Variants in CACNB2 observed in about 807,000 individuals in gnomAD.
The protein encoded by CACNB2 is voltage-dependent L-type calcium channel subunit beta-2.
A neutral mutation model predicts 73.3 loss-of-function variants in CACNB2; 42 were observed. The observed-to-expected ratio is 0.57, with a 90% confidence interval of 0.45 to 0.74. The LOEUF (loss-of-function observed/expected upper bound fraction) is 0.74, where lower values mean the gene tolerates loss of function less well. Among genes scored for constraint, CACNB2 ranks in the 30% least tolerant of loss-of-function variants. The pLI is 0.00. For synonymous variants in CACNB2, 348 were observed against 310.3 expected, an observed-to-expected ratio of 1.12 and a Z score of -1.28; for missense variants, 940 against 853.0, an observed-to-expected ratio of 1.10 and a Z score of -1.27.
chr10:18,261,288 G>C (rs761958542), intron 2 of CACNB2: 1 of 1,551,496 alleles, frequency 6.4e-7, no homozygotes, highest in Non-Finnish European at 8.7e-7. Context: ...CTGCGGGCTG[G>C]TGCATCGCCG....
At chr10:18,486,919 A>G (rs2132895338) in intron 3 of CACNB2, among the ~76,000 whole-genome samples, 1 of 152,230 alleles carries the variant, frequency 6.6e-6, no homozygotes, top group African/African-American at 2.4e-5. Flanking sequence ...TGAGTTTAAG[A>G]GCGGAGGTTT....
At position 18,366,389 on chromosome 10, in the gene CACNB2, C is replaced by A. The variant is rs534013805; in HGVS notation, c.214-35535C>A. On this transcript the variant is annotated intron_variant, in intron 2 of 13. Coordinates refer to ENST00000324631, the MANE Select transcript of CACNB2 (RefSeq NM_201596.3). ...CTGAGGCAGGAGAATGGTACGAACC[C>A]GGGAGGCGGAGCTTGCAGTAAGCCA... Among the ~76,000 whole-genome samples the A allele has an allele frequency of 1.3e-3, 196 of 148,644 alleles. 1 individual carries two copies. The highest frequency in any genetic ancestry group is 4.6e-3 in the African/African-American group (186 of 40,260).
chr10:18,341,773 A>G (rs2041242984), intron 2 of CACNB2, among the ~76,000 whole-genome samples: 1 of 152,214 alleles, frequency 6.6e-6, no homozygotes, highest in Non-Finnish European at 1.5e-5. Flanking sequence ...TAAATTTAGT[A>G]TAATAGAGAA....
chr10:18,181,325 AT>A (rs1309221393), intron 2 of CACNB2, among the ~76,000 whole-genome samples: 3 of 152,048 alleles, frequency 2.0e-5, no homozygotes, highest in Non-Finnish European at 4.4e-5. Flanking sequence ...GCTGAATCTT[AT>A]TTTTCTTTCT....
intron 2 of CACNB2, among the ~76,000 whole-genome samples, chr10:18,347,264 G>A (rs955226631): frequency 6.6e-6 from 1 of 151,138 alleles, no homozygotes; most frequent in East Asian, 2.0e-4. Flanking sequence ...TGCAACCTCC[G>A]CCTCCCAGAT....
intron 2 of CACNB2, among the ~76,000 whole-genome samples, chr10:18,385,581 C>G (rs1307254097): frequency 7.0e-6 from 1 of 143,470 alleles, no homozygotes; most frequent in Non-Finnish European, 1.5e-5. Context: ...GAGCCGAGAT[C>G]GTGCCAAGCC....
chr10:18,467,774 GCA>G (rs2047976530), intron 3 of CACNB2, among the ~76,000 whole-genome samples: 1 of 152,076 alleles, frequency 6.6e-6, no homozygotes. Context: ...CCCTCCCCAG[GCA>G]CAGTCTATCA....
chr10:18,194,002 T>A (rs1241537800), intron 2 of CACNB2, among the ~76,000 whole-genome samples: 1 of 152,148 alleles, frequency 6.6e-6, no homozygotes, highest in African/African-American at 2.4e-5. Flanking sequence ...AGAAAGCTTC[T>A]GGAGTATTGG....
chr10:18,503,245 G>A (rs1384638633), intron 5 of CACNB2, among the ~76,000 whole-genome samples: 1 of 152,134 alleles, frequency 6.6e-6, no homozygotes, highest in Non-Finnish European at 1.5e-5. Flanking sequence ...ATGTTCCATT[G>A]GCCTTATTTT....
intron 2 of CACNB2, among the ~76,000 whole-genome samples, chr10:18,352,205 T>C (rs952299271): frequency 6.6e-6 from 1 of 152,252 alleles, no homozygotes; most frequent in Non-Finnish European, 1.5e-5. Flanking sequence ...ATTCTGATAA[T>C]CCTGTTACCT....
At chr10:18,378,468 G>T (rs2042889893) in intron 2 of CACNB2, among the ~76,000 whole-genome samples, 1 of 152,170 alleles carries the variant, frequency 6.6e-6, no homozygotes, top group Admixed American at 6.6e-5. Context: ...TCCACAGTTG[G>T]CCGGGCATGG....
chr10:18,195,636 T>C (rs974956770), intron 2 of CACNB2, among the ~76,000 whole-genome samples: 2 of 152,246 alleles, frequency 1.3e-5, no homozygotes, highest in African/African-American at 4.8e-5. Context: ...GAATGTTCTC[T>C]GTTCTTTAGA....
At chr10:18,275,582 TCCTGCACATGTAC>T (rs1461035670) in intron 2 of CACNB2, among the ~76,000 whole-genome samples, 1 of 152,086 alleles carries the variant, frequency 6.6e-6, no homozygotes, top group Non-Finnish European at 1.5e-5. Context: ...AACCTGCACA[TCCTGCACATGTAC>T]CCCTGAACAT....
At chr10:18,341,108 C>T (rs1346311491) in intron 2 of CACNB2, 2 of 942,400 alleles carry the variant, frequency 2.1e-6, no homozygotes, top group African/African-American at 1.6e-5. Context: ...CTTATCTTGC[C>T]AGAAATGTTG....
intron 3 of CACNB2, among the ~76,000 whole-genome samples, chr10:18,490,453 A>C (rs1342742382): frequency 6.6e-6 from 1 of 152,092 alleles, no homozygotes; most frequent in Non-Finnish European, 1.5e-5. Flanking sequence ...AGAAGCAAAA[A>C]CTGGTAGAAA....
At chr10:18,219,666 A>G (rs1427695306) in intron 2 of CACNB2, among the ~76,000 whole-genome samples, 5 of 152,032 alleles carry the variant, frequency 3.3e-5, no homozygotes, top group Admixed American at 3.3e-4. Context: ...TTCAACTGTT[A>G]TATATTCTAG....
At chr10:18,319,264 G>A (rs2040308146) in intron 2 of CACNB2, among the ~76,000 whole-genome samples, 2 of 152,204 alleles carry the variant, frequency 1.3e-5, no homozygotes, top group African/African-American at 4.8e-5. Flanking sequence ...ATACTATGCA[G>A]CCATAAAAAG....
chr10:18,160,917 TTAAG>T (rs1307792232), intron 2 of CACNB2, among the ~76,000 whole-genome samples: 1 of 152,196 alleles, frequency 6.6e-6, no homozygotes, highest in African/African-American at 2.4e-5. Context: ...GCTTAGTTCA[TTAAG>T]TAAGTTTTCC....
At chr10:18,228,853 C>T (rs2036119062) in intron 2 of CACNB2, among the ~76,000 whole-genome samples, 1 of 152,192 alleles carries the variant, frequency 6.6e-6, no homozygotes, top group Non-Finnish European at 1.5e-5. Flanking sequence ...ATTCTCCTGC[C>T]TCAGCCTCCC....
Sources: allele counts gnomAD v4.1 joint callset (sites outside exome capture counted in the v4.1 genomes callset), GRCh38; gene constraint gnomAD v4.1.1; transcripts MANE v1.5; gene names NCBI Gene and HGNC (gene_info 2026-07-23, HGNC 2026-07-21).